The following RPS6KA1 variants were observed in gnomAD, a reference collection of about 807,000 sequenced individuals.
RPS6KA1 encodes ribosomal protein S6 kinase A1.
Under a neutral mutation model 91.3 loss-of-function variants are expected in RPS6KA1, and 48 were observed. The observed-to-expected ratio is 0.53, with a 90% CI of 0.42 to 0.67. RPS6KA1 has a LOEUF of 0.67. Ranked by LOEUF, RPS6KA1 falls within the 30% of genes least tolerant of loss-of-function variation. The pLI is 0.00. For synonymous variants in RPS6KA1, 359 were observed against 384.7 expected (o/e 0.93, Z 0.78); for missense variants, 719 against 960.5 (o/e 0.75, Z 3.32).
In RPS6KA1 at chr1:26,560,834, A is replaced by G. The variant is rs772096189; in HGVS notation, c.1324A>G (p.Met442Val). 1.9e-6 allele frequency: 3 copies of G among 1,614,158 alleles called. No individual in the cohort carries two copies. Among genetic ancestry groups the G allele is most frequent in the Non-Finnish European group, 2.5e-6 (3 of 1,180,018 alleles). Residue 442 changes from methionine (M) to valine (V), a missense_variant, in exon 15 of 22, where the codon ATG (methionine) becomes GTG (valine). Met to Val is a conservative substitution (Grantham distance 21). Coordinates refer to ENST00000374168, the MANE Select transcript of RPS6KA1 (RefSeq NM_002953.4). ...GCGCTGTGTCCACAAGGCCACCAACATGGAGTATGCTGTCAAGGTGGGCCT... is the reference window on the plus strand; with the variant it reads ...GCGCTGTGTCCACAAGGCCACCAACGTGGAGTATGCTGTCAAGGTGGGCCT... ...CKRCVHKATN[M>V]EYAVKVIDKS...
chr1:26,560,582 C>G, intron 14 of RPS6KA1, 144 bp from the exon 15 acceptor site: 1 of 1,004,126 alleles, frequency 1.0e-6, no homozygotes, highest in Non-Finnish European at 1.5e-6. Context: ...AGGCTGTCAC[C>G]TGCGGTCACA....
At position 26,547,138 on chromosome 1, in the gene RPS6KA1, G is replaced by A. The variant is rs1302090331; in HGVS notation, c.226-51G>A. The A allele has an allele frequency of 1.9e-6, 3 of 1,582,618 alleles. No homozygotes were observed. The highest frequency in any genetic ancestry group is 1.7e-5 in the Admixed American group (1 of 59,938). On this transcript the variant is annotated intron_variant, in intron 3 of 21. Transcript: ENST00000374168. This position sits in a 1 kb window ranked among gnomAD's most constrained non-coding sequence, Gnocchi z 4.1. ...GCTCAGAGAAGATAGAGGTCAGCCT[G>A]GACTCAGACCTCTCCCATCTTCTGC...
chr1:26,574,760 G>C lies in RPS6KA1; in HGVS notation c.*559G>C. 1 of 273,814 alleles carries C rather than the reference G, an allele frequency of 3.7e-6. No individual in the cohort carries two copies. The highest frequency in any genetic ancestry group is 7.3e-6 in the Non-Finnish European group (1 of 137,156). The allele number at this position is 273,814 out of a possible 1,614,324, so 17.0% of individuals were successfully genotyped here. ...AGAACCACTTCCTGCTACAGGAGGGGTCTCATGTCCTGCTGGCTTCCAGCT... is the reference window on the plus strand; with the variant it reads ...AGAACCACTTCCTGCTACAGGAGGGCTCTCATGTCCTGCTGGCTTCCAGCT... On this transcript the variant is annotated 3_prime_UTR_variant, in exon 22 of 22. Transcript: ENST00000374168. The surrounding 1 kb of genome is among the most constrained non-coding windows in gnomAD (Gnocchi z 4.3).
In RPS6KA1 at chr1:26,547,032, G is replaced by A. The variant is rs764024933; in HGVS notation, c.225+49G>A. The A allele has an allele frequency of 7.0e-6, 11 of 1,572,310 alleles. No homozygotes were observed. The African/African-American group carries it at 1.5e-4, about 21-fold the overall frequency. ...GAAGGCAACACTCGTCATGTTAGAG[G>A]TGGGGGTCAAGGGTCACCTAGGGGC... On this transcript the variant is annotated intron_variant, in intron 3 of 21. Transcript: ENST00000374168. The surrounding 1 kb of genome is among the most constrained non-coding windows in gnomAD (Gnocchi z 4.1).
rs1296307288 is a variant in RPS6KA1, at chr1:26,560,666, G to GT, written c.1216-60_1216-59insT. The GT allele has an allele frequency of 1.9e-6, 3 of 1,609,102 alleles. No homozygotes were observed. The African/African-American group carries it at 4.0e-5, about 22-fold the overall frequency. On this transcript the variant is annotated intron_variant, in intron 14 of 21. Coordinates refer to ENST00000374168, the MANE Select transcript of RPS6KA1 (RefSeq NM_002953.4). ...CTACTGAGCCAAGACCTTAGGTCCT[G>GT]GGGGATGACCCCTAGCACTCTAGAG...
At chr1:26,565,865 A>C (rs2076196954) in intron 17 of RPS6KA1, among the ~76,000 whole-genome samples, 1 of 152,052 alleles carries the variant, frequency 6.6e-6, no homozygotes, top group South Asian at 2.1e-4. Flanking sequence ...GGAATTTCAT[A>C]CAAACTTTCT....
At chr1:26,562,138 A>G (rs1018210681) in intron 17 of RPS6KA1, among the ~76,000 whole-genome samples, 1 of 152,140 alleles carries the variant, frequency 6.6e-6, no homozygotes, top group Non-Finnish European at 1.5e-5. Context: ...CGGGAGGCGG[A>G]GGTTGCAGTG....
rs149666358 is a variant in RPS6KA1 at position 26,550,005 on chromosome 1, G to A, written c.308-1392G>A. 2.4e-3 allele frequency among the ~76,000 whole-genome samples: 367 copies of A among 151,682 alleles called. 1 individual carries two copies. The highest frequency in any genetic ancestry group is 8.0e-3 in the African/African-American group (329 of 41,344). ...AGTGATTCTCCTGCCTCGGCCTCAC[G>A]AGTAACTGGGATTACAGGCCCACGC... On this transcript the variant is annotated intron_variant, in intron 4 of 21. Coordinates refer to ENST00000374168, the MANE Select transcript of RPS6KA1 (RefSeq NM_002953.4).
chr1:26,574,429 A>T lies in RPS6KA1; in HGVS notation c.*228A>T, dbSNP rs12118436. On this transcript the variant is annotated 3_prime_UTR_variant, in exon 22 of 22. Transcript: ENST00000374168. The surrounding 1 kb of genome is among the most constrained non-coding windows in gnomAD (Gnocchi z 4.3). ...CTGGTGGAAAGCGATTCACTGTATA[A>T]ACTTTTTTTTATGAAAAAAATGGCA... is the stretch of plus-strand genomic sequence containing the variant. 78,597 of 743,564 alleles carry T rather than the reference A, an allele frequency of 0.11. 5,318 individuals carry two copies. The highest frequency in any genetic ancestry group is 0.14 in the Non-Finnish European group (54,197 of 397,610). The allele number at this position is 743,564 out of a possible 1,614,324, so 46.1% of individuals were successfully genotyped here. A position where few individuals can be genotyped will look rare whatever the true frequency, so the allele number is the denominator to read the frequency against.
chr1:26,543,053 A>AGGCC (rs2075960928), intron 2 of RPS6KA1: 8 of 1,165,152 alleles, frequency 6.9e-6, no homozygotes, highest in African/African-American at 1.5e-5. Flanking sequence ...GCAGAGGGGG[A>AGGCC]AGTGAGAAGG....
chr1:26,537,407 C>T (rs2124615772), intron 2 of RPS6KA1, among the ~76,000 whole-genome samples: 1 of 152,338 alleles, frequency 6.6e-6, no homozygotes. Context: ...TCAAGGCTAA[C>T]CAGGCCCATT....
rs1272249917 is a variant in RPS6KA1 at position 26,558,840 on chromosome 1, A to C, written c.1118A>C (p.His373Pro). The C allele has an allele frequency of 6.2e-7, 1 of 1,613,254 alleles. No individual in the cohort carries two copies. The highest frequency in any genetic ancestry group is 8.5e-7 in the Non-Finnish European group (1 of 1,179,320). Reference protein sequence around the residue: ...SPGIPPSAGAHQLFRGFSFVA... With the variant: ...SPGIPPSAGAPQLFRGFSFVA... Reference sequence around the variant, plus strand: ...GGCATCCCCCCCAGCGCTGGGGCCCATCAGCTGTTCCGGGGCTTCAGCTTC... The same window carrying C: ...GGCATCCCCCCCAGCGCTGGGGCCCCTCAGCTGTTCCGGGGCTTCAGCTTC... The change falls in exon 14 of 22, where the codon CAT becomes CCT. Residue 373 changes from histidine (H) to proline (P), a missense_variant. Coordinates refer to ENST00000374168, the MANE Select transcript of RPS6KA1 (RefSeq NM_002953.4). This position sits in a 1 kb window ranked among gnomAD's most constrained non-coding sequence, Gnocchi z 4.0.
Position 26,551,394 on chromosome 1 carries a change from C to T in RPS6KA1, c.308-3C>T. The stretch of plus-strand genomic sequence containing the variant: ...CTGGTGACTTCCTTTCTCGTCTGGC[C>T]AGTACGTGACCGCGTCCGGACCAAG... On this transcript the variant is annotated splice_region_variant and splice_polypyrimidine_tract_variant and intron_variant, in intron 4 of 21. Transcript: ENST00000374168. The surrounding 1 kb of genome is among the most constrained non-coding windows in gnomAD (Gnocchi z 4.5). The T allele has an allele frequency of 6.2e-7, 1 of 1,614,044 alleles. No homozygotes were observed. The highest frequency in any genetic ancestry group is 8.5e-7 in the Non-Finnish European group (1 of 1,179,918).
chr1:26,552,212 A>G (rs1396915112), intron 6 of RPS6KA1, among the ~76,000 whole-genome samples: 3 of 151,878 alleles, frequency 2.0e-5, no homozygotes, highest in African/African-American at 4.8e-5. Context: ...ACATGGTGAA[A>G]CCCCGTCTCT....
chr1:26,559,086 C>T, intron 14 of RPS6KA1, 149 bp downstream of exon 14: 1 of 883,920 alleles, frequency 1.1e-6, no homozygotes, highest in Non-Finnish European at 1.7e-6. Context: ...CAGTAAGGCC[C>T]ACCTCACACA....
chr1:26,542,265 A>ACC (rs1407017358), intron 2 of RPS6KA1, among the ~76,000 whole-genome samples: 1 of 152,082 alleles, frequency 6.6e-6, no homozygotes, highest in East Asian at 1.9e-4. Flanking sequence ...CAGCCTCCAA[A>ACC]CCCCTGTCTG....
At position 26,547,773 on chromosome 1, in the gene RPS6KA1, G is replaced by A. The variant is rs1273390503; in HGVS notation, c.307+503G>A. Among the ~76,000 whole-genome samples the A allele has an allele frequency of 6.6e-6, 1 of 152,190 alleles. No homozygotes were observed. The highest frequency in any genetic ancestry group is 1.5e-5 in the Non-Finnish European group (1 of 68,038). The stretch of plus-strand genomic sequence containing the variant: ...GTTAGAGTTCTGGGGACTTACAAAG[G>A]GTGTGAAGATGGTTGGTAGTGGGCT... On this transcript the variant is annotated intron_variant, in intron 4 of 21. Transcript: ENST00000374168. This position sits in a 1 kb window ranked among gnomAD's most constrained non-coding sequence, Gnocchi z 4.1.
intron 20 of RPS6KA1, 115 bp from the exon 21 acceptor site, chr1:26,573,109 G>A: frequency 1.8e-6 from 2 of 1,101,680 alleles, no homozygotes; most frequent in Non-Finnish European, 2.6e-6. Context: ...GGATCCCAGG[G>A]GCTGCCGCAA....
intron 1 of RPS6KA1, among the ~76,000 whole-genome samples, chr1:26,534,194 C>T (rs1458451697): frequency 1.3e-5 from 2 of 152,146 alleles, no homozygotes; most frequent in Non-Finnish European, 2.9e-5. Flanking sequence ...CTCGGTGAGT[C>T]CCTTAACTCT....
Sources: allele counts gnomAD v4.1 joint callset (sites outside exome capture counted in the v4.1 genomes callset), GRCh38; gene constraint gnomAD v4.1.1; non-coding constraint Gnocchi (gnomAD v3.1); transcripts MANE v1.5; gene names NCBI Gene and HGNC (gene_info 2026-07-23, HGNC 2026-07-21).